ZNF442: variants seen among roughly 807,000 people sequenced by gnomAD.
The protein encoded by ZNF442 is zinc finger protein 442.
Under a neutral mutation model 57.0 loss-of-function variants are expected in ZNF442, and 45 were observed. That is an observed-to-expected ratio of 0.79 (90% CI 0.62 to 1.01). ZNF442 has a LOEUF of 1.01. Ranked by LOEUF, ZNF442 falls within the 50% of genes least tolerant of loss-of-function variation. The probability of loss-of-function intolerance (pLI) is 0.00; values close to 1 mark genes in which losing one functional copy is unlikely to be tolerated. For synonymous variants in ZNF442, 213 were observed against 241.8 expected (o/e 0.88, Z 1.10); for missense variants, 690 against 756.5 (o/e 0.91, Z 1.03).
the ZNF442 span, among the ~76,000 whole-genome samples, chr19:12,372,468 A>C: frequency 2.6e-5 from 4 of 152,092 alleles, no homozygotes; most frequent in African/African-American, 4.8e-5. Flanking sequence ...TCCAAAAAAA[A>C]AAAGAGAAAA....
At chr19:12,362,649 G>A (rs1303426409) in intron 3 of ZNF442, among the ~76,000 whole-genome samples, 3 of 135,882 alleles carry the variant, frequency 2.2e-5, no homozygotes, top group East Asian at 4.1e-4. Context: ...GCCTCTGCCC[G>A]GCCGCCCCGT....
intron 3 of ZNF442, among the ~76,000 whole-genome samples, chr19:12,362,790 A>G (rs1969458233): frequency 6.6e-6 from 1 of 151,984 alleles, no homozygotes; most frequent in South Asian, 2.1e-4. Flanking sequence ...TGGGGAAAGG[A>G]AAGAGAAATC....
intron 3 of ZNF442, among the ~76,000 whole-genome samples, 195 bp downstream of exon 3, chr19:12,363,355 CACAA>C (rs1160385271): frequency 1.3e-5 from 2 of 152,074 alleles, no homozygotes; most frequent in African/African-American, 4.8e-5. Flanking sequence ...CTGACTCGAA[CACAA>C]ACAAGTCTAA....
chr19:12,364,016 G>A (rs535576298), intron 2 of ZNF442, among the ~76,000 whole-genome samples: 21 of 152,258 alleles, frequency 1.4e-4, no homozygotes, highest in Admixed American at 1.0e-3. Context: ...GAAAAGGAGA[G>A]ACACAAAGGT....
chr19:12,346,563 G>A lies in ZNF442; in HGVS notation c.*3138C>T, dbSNP rs1187469054. On this transcript the variant is annotated 3_prime_UTR_variant, in exon 6 of 6. Transcript: ENST00000242804. ...GAAAAAGGTTTACACCAATTATTCT[G>A]TGAACCAGCAATTACACTCCTAGGG... 1 of 152,158 alleles carries A rather than the reference G, an allele frequency of 6.6e-6. No homozygotes were observed. The highest frequency in any genetic ancestry group is 1.5e-5 in the Non-Finnish European group (1 of 68,030). 9.4% of individuals were successfully genotyped at this position (152,158 alleles called of 1,614,324 possible).
At chr19:12,373,458 C>T in the ZNF442 span, among the ~76,000 whole-genome samples, 2 of 152,270 alleles carry the variant, frequency 1.3e-5, no homozygotes, top group South Asian at 2.1e-4. Context: ...GGGAGGATCG[C>T]TTGAGCCCGG....
rs751508013 is a variant in ZNF442, at chr19:12,350,905, T to C, written c.680A>G (p.His227Arg). Residue 227 changes from histidine to arginine, a missense_variant, in exon 6 of 6, where the codon CAT (histidine) becomes CGT (arginine). By Grantham distance (29) the His-to-Arg change is conservative. Coordinates refer to ENST00000242804, the MANE Select transcript of ZNF442 (RefSeq NM_030824.3). ...TTTCTCTCCAGTGTGAGTTCTTTCA[T>C]GCATACGAAATAAACTAGGCCAAAA... ...AFFWPSLFRM[H>R]ERTHTGEKPY... 3 of 1,614,198 alleles carry C rather than the reference T, an allele frequency of 1.9e-6. No homozygotes were observed. Among genetic ancestry groups the C allele is most frequent in the East Asian group, 4.5e-5 (2 of 44,882 alleles).
At chr19:12,353,530 T>C (rs1021678348) in intron 3 of ZNF442, among the ~76,000 whole-genome samples, 9 of 152,350 alleles carry the variant, frequency 5.9e-5, no homozygotes, top group African/African-American at 2.2e-4. Context: ...ACTGGATTTA[T>C]AGAGGGTCTC....
Position 12,346,313 on chromosome 19 carries a change from T to C in ZNF442, c.*3388A>G, listed in dbSNP as rs1294503448. ...TTAAAACAAACTGGTTCAAAAAATA[T>C]ATAAACAACCAACAAAAACAAAAAC... On this transcript the variant is annotated 3_prime_UTR_variant, in exon 6 of 6. Coordinates refer to ENST00000242804, the MANE Select transcript of ZNF442 (RefSeq NM_030824.3). The C allele has an allele frequency of 6.6e-6, 1 of 152,152 alleles. No individual in the cohort carries two copies. Among genetic ancestry groups the C allele is most frequent in the Non-Finnish European group, 1.5e-5 (1 of 68,028 alleles). The allele number at this position is 152,152 out of a possible 1,614,324, so 9.4% of individuals were successfully genotyped here.
chr19:12,363,136 G>A (rs1969465471), intron 3 of ZNF442, among the ~76,000 whole-genome samples: 1 of 140,204 alleles, frequency 7.1e-6, no homozygotes, highest in African/African-American at 2.7e-5. Flanking sequence ...TCCAGCCTGG[G>A]CAACAGTGCG....
At position 12,350,397 on chromosome 19, in the gene ZNF442, C is replaced by G; in HGVS notation, c.1188G>C (p.Met396Ile). 6.2e-7 allele frequency: 1 copy of G among 1,613,548 alleles called. No individual in the cohort carries two copies. Among genetic ancestry groups the G allele is most frequent in the Middle Eastern group, 1.7e-4 (1 of 6,060 alleles). Reference protein sequence around the residue: ...LSHHSSFRSHMIMHTGDGPHK... With the variant: ...LSHHSSFRSHIIMHTGDGPHK... ...GAGGTCCATCTCCAGTGTGCATTAT[C>G]ATATGACTTCGAAAGCTTGAGTGAT... The change falls in exon 6 of 6, where the codon ATG becomes ATC. Residue 396 changes from methionine (M) to isoleucine (I), a missense_variant. Physicochemically the swap from Met to Ile is conservative, Grantham distance 10. Coordinates refer to ENST00000242804, the MANE Select transcript of ZNF442 (RefSeq NM_030824.3).
the ZNF442 span, among the ~76,000 whole-genome samples, chr19:12,372,631 T>C: frequency 6.6e-6 from 1 of 152,356 alleles, no homozygotes; most frequent in South Asian, 2.1e-4. Flanking sequence ...GATGTGTTTT[T>C]TTCTGAAAGT....
At chr19:12,368,878 AGGATTTAG>A (rs776506968), upstream of ZNF442, among the ~76,000 whole-genome samples, 26 of 152,106 alleles carry the variant, frequency 1.7e-4, no homozygotes, top group Non-Finnish European at 3.7e-4. Context: ...GAGGCACTGA[AGGATTTAG>A]GGATGAGGGA....
upstream of ZNF442, among the ~76,000 whole-genome samples, chr19:12,368,388 C>T (rs771536755): frequency 3.3e-5 from 5 of 152,058 alleles, no homozygotes; most frequent in Admixed American, 1.3e-4. Context: ...TAAAGACAGG[C>T]GTAAGAAATT....
In ZNF442 at chr19:12,365,634, T is replaced by C. The variant is rs1460210374; in HGVS notation, c.-584A>G. The stretch of plus-strand genomic sequence containing the variant: ...CCTGCCACTGACCTGCCAGGGCTTC[T>C]CTCAGCTACAGAGCCAGGAGCGGGA... On this transcript the variant is annotated 5_prime_UTR_variant, in exon 1 of 6. Transcript: ENST00000242804. The C allele has an allele frequency of 1.6e-5, 4 of 254,028 alleles. No homozygotes were observed. Among genetic ancestry groups the C allele is most frequent in the African/African-American group, 9.2e-5 (4 of 43,292 alleles). 15.7% of individuals were successfully genotyped at this position (254,028 alleles called of 1,614,324 possible). A position where few individuals can be genotyped will look rare whatever the true frequency, so the allele number is the denominator to read the frequency against.
Position 12,350,549 on chromosome 19 carries a change from C to T in ZNF442, c.1036G>A (p.Asp346Asn), listed in dbSNP as rs1020883043. ...CATATCTTACATTTATGAGGTCCAT[C>T]TCCAGTGTGCCTTATCATGTGTCTT... ...FQRHMIRHTG[D>N]GPHKCKICGK... Residue 346 changes from aspartate to asparagine, a missense_variant, in exon 6 of 6, where the codon GAT (aspartate) becomes AAT (asparagine). Asp to Asn is a conservative substitution (Grantham distance 23, BLOSUM62 1). Transcript: ENST00000242804. 18 of 1,613,860 alleles carry T rather than the reference C, an allele frequency of 1.1e-5. No homozygotes were observed. The highest frequency in any genetic ancestry group is 3.3e-5 in the South Asian group (3 of 91,074).
upstream of ZNF442, among the ~76,000 whole-genome samples, chr19:12,368,244 A>G (rs1229201215): frequency 2.0e-5 from 3 of 152,210 alleles, no homozygotes; most frequent in African/African-American, 7.2e-5. Flanking sequence ...CTGAGGTGAC[A>G]TACATCCTTA....
At chr19:12,362,740 A>C (rs1969456673) in intron 3 of ZNF442, among the ~76,000 whole-genome samples, 1 of 152,140 alleles carries the variant, frequency 6.6e-6, no homozygotes, top group Non-Finnish European at 1.5e-5. Flanking sequence ...GTGGGCCATG[A>C]TGACGATGGC....
upstream of ZNF442, among the ~76,000 whole-genome samples, chr19:12,369,672 C>T (rs565691935): frequency 6.4e-4 from 97 of 151,892 alleles, no homozygotes; most frequent in Non-Finnish European, 1.3e-3. Context: ...CTGAGGCAGG[C>T]GGATCACGAG....
Sources: gnomAD v4.1 joint callset for allele counts (sites outside exome capture counted in the v4.1 genomes callset) on GRCh38, gnomAD v4.1.1 for gene constraint, MANE v1.5 for transcripts, NCBI Gene and HGNC (gene_info 2026-07-23, HGNC 2026-07-21) for gene names.